The following APBA1 variants were observed in gnomAD, a reference collection of about 807,000 sequenced individuals.
The protein encoded by APBA1 is amyloid beta precursor protein binding family A member 1.
In APBA1, 55 loss-of-function variants were observed where a neutral mutation model predicts 86.6. The ratio of observed to expected loss-of-function variants is 0.64; its 90% confidence interval spans 0.51 to 0.80. The LOEUF (loss-of-function observed/expected upper bound fraction) is 0.80, where lower values mean the gene tolerates loss of function less well. Ranked by LOEUF, APBA1 falls within the 30% of genes least tolerant of loss-of-function variation. The pLI is 0.00. For synonymous variants in APBA1, 511 were observed against 493.9 expected (o/e 1.03, Z -0.46); for missense variants, 1,090 against 1,183.0 (o/e 0.92, Z 1.15).
chr9:69,609,824 G>C (rs1440657500), intron 1 of APBA1, among the ~76,000 whole-genome samples: 3 of 151,890 alleles, frequency 2.0e-5, no homozygotes, highest in African/African-American at 7.3e-5. Context: ...TTTGAGACAG[G>C]GTCTCCCTCT....
rs1054926614 is a variant in APBA1, at chr9:69,525,382, C to T, written c.-69-8103G>A. On this transcript the variant is annotated intron_variant, in intron 1 of 12. Transcript: ENST00000265381. ...AGAACTGATAAATAACTTCAGCAAA[C>T]TTTCAGGACATGACATCAATCTACA... Among the ~76,000 whole-genome samples the T allele has an allele frequency of 7.9e-5, 12 of 152,208 alleles. No homozygotes were observed. In the East Asian group the frequency reaches 1.5e-3, roughly 20 times the overall value.
Position 69,517,036 on chromosome 9 carries a change from C to A in APBA1, c.175G>T (p.Asp59Tyr). The change falls in exon 2 of 13, where the codon GAC becomes TAC. Residue 59 changes from aspartate to tyrosine, a missense_variant. Coordinates refer to ENST00000265381, the MANE Select transcript of APBA1 (RefSeq NM_001163.4). ...GRHQRGRALE[D>Y]LRAQLGQEEE... ...TCCTGGCCGAGCTGGGCGCGGAGGTCCTCGAGGGCTCGCCCGCGCTGGTGG... is the reference window on the plus strand; with the variant it reads ...TCCTGGCCGAGCTGGGCGCGGAGGTACTCGAGGGCTCGCCCGCGCTGGTGG... The A allele has an allele frequency of 6.3e-7, 1 of 1,580,604 alleles. No homozygotes were observed. The highest frequency in any genetic ancestry group is 8.5e-7 in the Non-Finnish European group (1 of 1,170,116).
chr9:69,474,689 A>G (rs1835414897), intron 3 of APBA1, among the ~76,000 whole-genome samples: 1 of 152,176 alleles, frequency 6.6e-6, no homozygotes, highest in African/African-American at 2.4e-5. Flanking sequence ...ACCAAAGTAT[A>G]TTTCTAGTCT....
intron 1 of APBA1, among the ~76,000 whole-genome samples, chr9:69,601,111 G>A (rs1822342614): frequency 6.6e-6 from 1 of 152,004 alleles, no homozygotes; most frequent in Non-Finnish European, 1.5e-5. Flanking sequence ...ACAAGATGCA[G>A]GCTATTGAGA....
At position 69,442,629 on chromosome 9, in the gene APBA1, G is replaced by A. The variant is rs146096489; in HGVS notation, c.2182-1514C>T. On this transcript the variant is annotated intron_variant, in intron 10 of 12. Transcript: ENST00000265381. ...TCACAAGTGAGTGGGTCCAGTTTGC[G>A]CCCTCTACGAGTGAAGTGGAAAGAG... Among the ~76,000 whole-genome samples, 371 of 152,276 alleles carry A rather than the reference G, an allele frequency of 2.4e-3. 2 individuals are homozygous for A. Among genetic ancestry groups the A allele is most frequent in the African/African-American group, 8.2e-3 (340 of 41,550 alleles).
chr9:69,456,119 G>A (rs1835091933), intron 8 of APBA1, 128 bp downstream of exon 8: 2 of 1,071,322 alleles, frequency 1.9e-6, no homozygotes, highest in Non-Finnish European at 2.8e-6. Flanking sequence ...TCTAGTGCTG[G>A]AACAGTGCCT....
chr9:69,603,710 G>C (rs1296996326), intron 1 of APBA1, among the ~76,000 whole-genome samples: 3 of 152,240 alleles, frequency 2.0e-5, no homozygotes, highest in Admixed American at 2.0e-4. Flanking sequence ...AGGCCAAAGT[G>C]TTTTGGGTAA....
chr9:69,557,625 C>A (rs978769642), intron 1 of APBA1, among the ~76,000 whole-genome samples: 1 of 152,168 alleles, frequency 6.6e-6, no homozygotes, highest in African/African-American at 2.4e-5. Flanking sequence ...GAGTGGGCAA[C>A]AAGATGGAAA....
intron 5 of APBA1, among the ~76,000 whole-genome samples, chr9:69,460,428 G>A (rs1037021839): frequency 6.6e-6 from 1 of 152,200 alleles, no homozygotes; most frequent in Admixed American, 6.5e-5. Context: ...TCTGGCCAGG[G>A]ATGTTCGGAC....
chr9:69,473,624 C>T (rs1366338304), intron 3 of APBA1, among the ~76,000 whole-genome samples: 1 of 152,058 alleles, frequency 6.6e-6, no homozygotes. Flanking sequence ...CAACATGGCA[C>T]ATGTATACGT....
At chr9:69,489,076 A>G (rs1166210681) in intron 2 of APBA1, among the ~76,000 whole-genome samples, 2 of 152,124 alleles carry the variant, frequency 1.3e-5, no homozygotes, top group South Asian at 2.1e-4. Flanking sequence ...TATAGATTCA[A>G]TGCCAACCCC....
rs1463556502 is a variant in APBA1, at chr9:69,658,306, CTTTCTTTCTTTCTT to C, written c.-70+13833_-70+13846del. 4.9e-3 allele frequency among the ~76,000 whole-genome samples: 344 copies of C among 70,898 alleles called. 9 individuals are homozygous for C. The highest frequency in any genetic ancestry group is 0.026 in the East Asian group (57 of 2,182). The allele number at this position is 70,898 out of a possible 152,430, so 46.5% of individuals were successfully genotyped here. On this transcript the variant is annotated intron_variant, in intron 1 of 12. Coordinates refer to ENST00000265381, the MANE Select transcript of APBA1 (RefSeq NM_001163.4). ...TTTCTCTCTCTCTTTCTCTCTCTCT[CTTTCTTTCTTTCTT>C]TCTTTCTTTCTTTCTTTCTTTCTTT...
chr9:69,671,507 A>C (rs1823947815), intron 1 of APBA1, among the ~76,000 whole-genome samples: 2 of 152,214 alleles, frequency 1.3e-5, no homozygotes, highest in Admixed American at 1.3e-4. Flanking sequence ...TCAGAGTTGC[A>C]GGGTCAAAAT....
At chr9:69,451,303 A>T (rs1835004886) in intron 9 of APBA1, among the ~76,000 whole-genome samples, 1 of 152,242 alleles carries the variant, frequency 6.6e-6, no homozygotes, top group African/African-American at 2.4e-5. Flanking sequence ...AACCTCTGTG[A>T]CAAGAATCCC....
chr9:69,443,129 C>T (rs374465106), intron 10 of APBA1, among the ~76,000 whole-genome samples: 3 of 152,156 alleles, frequency 2.0e-5, no homozygotes, highest in East Asian at 1.9e-4. Flanking sequence ...TCTTAAACCC[C>T]ACACAGCAGC....
intron 5 of APBA1, chr9:69,464,533 G>C (rs966055633): frequency 5.9e-5 from 9 of 152,148 alleles, no homozygotes; most frequent in African/African-American, 2.2e-4. Flanking sequence ...TGGTTGTTCT[G>C]ATCAACAGAG....
At chr9:69,578,438 G>A (rs1346450949) in intron 1 of APBA1, among the ~76,000 whole-genome samples, 1 of 152,072 alleles carries the variant, frequency 6.6e-6, no homozygotes, top group East Asian at 1.9e-4. Context: ...CTCTGCTGGG[G>A]GTTCTCTGGG....
At chr9:69,442,906 T>C (rs2777867) in intron 10 of APBA1, among the ~76,000 whole-genome samples, 60,321 of 152,064 alleles carry the variant, frequency 0.4, 14,426 homozygotes, top group African/African-American at 0.67. Context: ...CCTGCTCAGG[T>C]ACCCTGCCTG....
chr9:69,598,742 T>C (rs991902779), intron 1 of APBA1, among the ~76,000 whole-genome samples: 2 of 152,066 alleles, frequency 1.3e-5, no homozygotes, highest in African/African-American at 4.8e-5. Flanking sequence ...TGTGGGGAGA[T>C]GGAAAAGGTA....
Sources: gnomAD v4.1 joint callset for allele counts (sites outside exome capture counted in the v4.1 genomes callset) on GRCh38, gnomAD v4.1.1 for gene constraint, MANE v1.5 for transcripts, NCBI Gene and HGNC (gene_info 2026-07-23, HGNC 2026-07-21) for gene names.